DNAH14: variants seen among roughly 807,000 people sequenced by gnomAD.
DNAH14 encodes the protein dynein axonemal heavy chain 14.
DNAH14 carries 478 observed loss-of-function variants against 520.9 expected under a neutral mutation model. The observed-to-expected ratio is 0.92, with a 90% CI of 0.85 to 0.99. DNAH14 has a LOEUF of 0.99. DNAH14 is among the 50% of genes least tolerant of loss of function. The probability of loss-of-function intolerance (pLI) is 0.00; values close to 1 mark genes in which losing one functional copy is unlikely to be tolerated. For synonymous variants in DNAH14, 1,581 were observed against 1,757.2 expected (o/e 0.90, Z 2.51); for missense variants, 4,831 against 5,234.5 (o/e 0.92, Z 2.38).
At chr1:225,223,919 C>G (rs1227919888) in intron 41 of DNAH14, among the ~76,000 whole-genome samples, 1 of 152,166 alleles carries the variant, frequency 6.6e-6, no homozygotes, top group Non-Finnish European at 1.5e-5. Context: ...GCAGCCCCAA[C>G]AGAGCCAGCA....
intron 85 of DNAH14, among the ~76,000 whole-genome samples, 169 bp downstream of exon 85, chr1:225,398,835 T>A (rs1318234270): frequency 6.6e-6 from 1 of 152,212 alleles, no homozygotes; most frequent in East Asian, 1.9e-4. Flanking sequence ...CTAAAGTAGA[T>A]GCTATACTTA....
intron 11 of DNAH14, among the ~76,000 whole-genome samples, chr1:225,030,845 T>G (rs914457339): frequency 2.6e-5 from 4 of 152,000 alleles, no homozygotes; most frequent in Admixed American, 1.3e-4. Context: ...TTCAAAATTG[T>G]TTTAACTATT....
rs2150475348 is a variant in DNAH14 at position 225,351,891 on chromosome 1, A to C, written c.11533+8A>C. On this transcript the variant is annotated splice_region_variant and intron_variant, in intron 72 of 85. Transcript: ENST00000682510. ...CAAAACCACCAGAGGAAAGTAAGAA[A>C]GCATTCAGTGTTTTAACCTAACTTA... 6.5e-7 allele frequency: 1 copy of C among 1,547,332 alleles called. No homozygotes were observed. Among genetic ancestry groups the C allele is most frequent in the Non-Finnish European group, 8.7e-7 (1 of 1,143,672 alleles).
intron 1 of DNAH14, among the ~76,000 whole-genome samples, chr1:224,938,490 A>G (rs2449324): frequency 0.096 from 14,590 of 152,108 alleles, 2,255 homozygotes; most frequent in African/African-American, 0.33. Flanking sequence ...CCATAGTGCA[A>G]CATCATCTCA....
chr1:225,093,554 T>TC (rs1487145778), intron 21 of DNAH14, among the ~76,000 whole-genome samples: 3 of 152,024 alleles, frequency 2.0e-5, no homozygotes, highest in Admixed American at 1.3e-4. Context: ...CTGGAAGAAT[T>TC]CCCCTTGAAG....
chr1:225,151,455 C>A (rs760291775), intron 31 of DNAH14, among the ~76,000 whole-genome samples: 1 of 152,172 alleles, frequency 6.6e-6, no homozygotes, highest in Non-Finnish European at 1.5e-5. Context: ...GTTTTCACCA[C>A]CCTCTTTGGT....
At chr1:225,324,102 C>T in intron 62 of DNAH14, 120 bp from the exon 63 acceptor site, 8 of 1,290,222 alleles carry the variant, frequency 6.2e-6, no homozygotes, top group Non-Finnish European at 8.4e-6. Context: ...AGGCATGAGC[C>T]GCCGCCCCCG....
intron 41 of DNAH14, among the ~76,000 whole-genome samples, chr1:225,223,990 C>T (rs1455722520): frequency 6.6e-6 from 1 of 152,094 alleles, no homozygotes; most frequent in Admixed American, 6.6e-5. Flanking sequence ...AATCATAGCA[C>T]CTGAAAAAGT....
At chr1:225,146,579 A>T (rs745792929) in intron 30 of DNAH14, among the ~76,000 whole-genome samples, 3 of 152,258 alleles carry the variant, frequency 2.0e-5, no homozygotes, top group African/African-American at 7.2e-5. Context: ...GCCCAGCAGC[A>T]GCTGCGTGCT....
At chr1:225,319,139 A>G (rs1420054607) in intron 61 of DNAH14, among the ~76,000 whole-genome samples, 2 of 152,204 alleles carry the variant, frequency 1.3e-5, no homozygotes, top group South Asian at 4.1e-4. Context: ...CTGAGACTGC[A>G]AAGTTGGACA....
chr1:225,374,457 C>T (rs1396234936), intron 77 of DNAH14, among the ~76,000 whole-genome samples: 2 of 151,150 alleles, frequency 1.3e-5, no homozygotes, highest in African/African-American at 4.9e-5. Flanking sequence ...GATAGGGTTT[C>T]ACCATGTTGG....
At chr1:225,081,355 G>A (rs1460110317) in intron 19 of DNAH14, among the ~76,000 whole-genome samples, 2 of 152,080 alleles carry the variant, frequency 1.3e-5, no homozygotes, top group Non-Finnish European at 2.9e-5. Flanking sequence ...TATTTCACTT[G>A]TTTTAAAATT....
intron 23 of DNAH14, among the ~76,000 whole-genome samples, chr1:225,116,526 T>C (rs2076884998): frequency 6.6e-6 from 1 of 152,162 alleles, no homozygotes; most frequent in Non-Finnish European, 1.5e-5. Context: ...GAAAATCTAA[T>C]ACCTACAGGA....
chr1:225,151,674 T>C (rs897455323), intron 31 of DNAH14, among the ~76,000 whole-genome samples: 1 of 152,196 alleles, frequency 6.6e-6, no homozygotes, highest in African/African-American at 2.4e-5. Flanking sequence ...CTACTATATC[T>C]TCCAGGCAGA....
chr1:225,021,122 C>G (rs534290915), intron 10 of DNAH14, among the ~76,000 whole-genome samples: 2 of 152,188 alleles, frequency 1.3e-5, no homozygotes, highest in South Asian at 2.1e-4. Context: ...AAACTCTCAA[C>G]AAGCTGGGCA....
chr1:225,322,588 T>G, intron 61 of DNAH14, 76 bp from the exon 62 acceptor site: 1 of 1,328,052 alleles, frequency 7.5e-7, no homozygotes, highest in Non-Finnish European at 1.0e-6. Flanking sequence ...TCTGTGTATA[T>G]TGTCTTCTGA....
intron 23 of DNAH14, among the ~76,000 whole-genome samples, chr1:225,103,955 C>CATA (rs2075773694): frequency 2.2e-5 from 3 of 138,166 alleles, no homozygotes; most frequent in African/African-American, 8.1e-5. Flanking sequence ...GAGAGGGCAT[C>CATA]CCTGTCTTGT....
intron 42 of DNAH14, among the ~76,000 whole-genome samples, chr1:225,234,106 A>G (rs2091368182): frequency 1.3e-5 from 2 of 152,034 alleles, no homozygotes; most frequent in Admixed American, 1.3e-4. Context: ...GTAGATGTAC[A>G]ATCTTATTTC....
rs532389842 is a variant in DNAH14 at position 224,981,450 on chromosome 1, A to G, written c.830+7297A>G. 1.2e-4 allele frequency among the ~76,000 whole-genome samples: 19 copies of G among 152,190 alleles called. 1 individual carries two copies. In the South Asian group the frequency reaches 2.5e-3, roughly 20 times the overall value. ...TTTTTGCTGGTAATTTTAAATTACC[A>G]TTTCAATCTCGCTGCTTGTTATTGG... On this transcript the variant is annotated intron_variant, in intron 8 of 85. Transcript: ENST00000682510.
Sources: gnomAD v4.1 joint callset for allele counts (sites outside exome capture counted in the v4.1 genomes callset) on GRCh38, gnomAD v4.1.1 for gene constraint, MANE v1.5 for transcripts, NCBI Gene and HGNC (gene_info 2026-07-23, HGNC 2026-07-21) for gene names.